FOCAD: variants seen among roughly 807,000 people sequenced by gnomAD.
The protein encoded by FOCAD is focadhesin.
Under a neutral mutation model 225.6 loss-of-function variants are expected in FOCAD, and 198 were observed. The observed-to-expected ratio is 0.88, with a 90% CI of 0.78 to 0.99. The LOEUF (loss-of-function observed/expected upper bound fraction) is 0.99. Among genes scored for constraint, FOCAD ranks in the 50% least tolerant of loss-of-function variants. The probability of loss-of-function intolerance (pLI) is 0.00; values close to 1 mark genes in which losing one functional copy is unlikely to be tolerated. For missense variants in FOCAD, 2,713 were observed against 2,123.6 expected (o/e 1.28, Z -5.46); for synonymous variants, 897 against 755.0 (o/e 1.19, Z -3.08).
chr9:20,803,985 G>T (rs921076541), intron 11 of FOCAD, among the ~76,000 whole-genome samples: 1 of 152,144 alleles, frequency 6.6e-6, no homozygotes, highest in African/African-American at 2.4e-5. Flanking sequence ...AATCTCCTCA[G>T]TGTGGGAGTA....
At chr9:20,813,622 T>A (rs1033007463) in intron 11 of FOCAD, among the ~76,000 whole-genome samples, 17 of 152,304 alleles carry the variant, frequency 1.1e-4, no homozygotes, top group African/African-American at 3.4e-4. Context: ...AGTCTTAAAT[T>A]TGTTAAGACT....
chr9:20,969,005 C>T (rs1468589713), intron 35 of FOCAD, among the ~76,000 whole-genome samples: 1 of 151,912 alleles, frequency 6.6e-6, no homozygotes. Flanking sequence ...TTTATAATTT[C>T]CCTGTGATTT....
chr9:20,852,310 G>C (rs915421154), intron 15 of FOCAD, among the ~76,000 whole-genome samples: 3 of 151,724 alleles, frequency 2.0e-5, no homozygotes, highest in African/African-American at 7.3e-5. Flanking sequence ...GAAGGAACTT[G>C]TTTGTTTCTA....
intron 11 of FOCAD, among the ~76,000 whole-genome samples, chr9:20,817,140 G>GT (rs762588782): frequency 6.3e-4 from 96 of 152,272 alleles, no homozygotes; most frequent in Non-Finnish European, 7.2e-4. Context: ...GTGCTATCAA[G>GT]TAAGTGCTTT....
At chr9:20,885,912 C>T (rs995916318) in intron 21 of FOCAD, among the ~76,000 whole-genome samples, 1 of 152,056 alleles carries the variant, frequency 6.6e-6, no homozygotes, top group Non-Finnish European at 1.5e-5. Flanking sequence ...ATAGTTCAGA[C>T]ATAGTAGGTT....
Position 20,710,229 on chromosome 9 carries a change from A to ATTTT in FOCAD, c.-32-5073_-32-5070dup, listed in dbSNP as rs749860355. ...CTGTACTTGGATCCCAGTAGCTGAG[A>ATTTT]TTTTTTTTTTTTTTTTTTTTTTTGC... On this transcript the variant is annotated intron_variant, in intron 1 of 43. Coordinates refer to ENST00000338382, the MANE Select transcript of FOCAD (RefSeq NM_001375567.1). 1.7e-3 allele frequency among the ~76,000 whole-genome samples: 175 copies of ATTTT among 102,172 alleles called. 3 individuals are homozygous for ATTTT. The highest frequency in any genetic ancestry group is 6.3e-3 in the Middle Eastern group (1 of 158). The allele number at this position is 102,172 out of a possible 152,430, so 67.0% of individuals were successfully genotyped here. A position where few individuals can be genotyped will look rare whatever the true frequency, so the allele number is the denominator to read the frequency against.
At position 20,812,112 on chromosome 9, in the gene FOCAD, A is replaced by G. The variant is rs569187108; in HGVS notation, c.1456-7684A>G. Among the ~76,000 whole-genome samples the G allele has an allele frequency of 7.2e-5, 11 of 152,198 alleles. No homozygotes were observed. In the South Asian group the frequency reaches 2.3e-3, roughly 32 times the overall value. On this transcript the variant is annotated intron_variant, in intron 11 of 43. Coordinates refer to ENST00000338382, the MANE Select transcript of FOCAD (RefSeq NM_001375567.1). ...GCTATGAGTAAAATGTGAACTAAGAATACACTTTTGTAATTCAGGTCTAGT... is the reference window on the plus strand; with the variant it reads ...GCTATGAGTAAAATGTGAACTAAGAGTACACTTTTGTAATTCAGGTCTAGT...
chr9:20,667,350 A>G (rs982069450), intron 2 of FOCAD, among the ~76,000 whole-genome samples: 2 of 152,258 alleles, frequency 1.3e-5, no homozygotes, highest in African/African-American at 4.8e-5. Context: ...GGACTTATAA[A>G]TCTTGTTGGC....
intron 2 of FOCAD, among the ~76,000 whole-genome samples, chr9:20,664,805 G>C (rs1325045876): frequency 6.6e-6 from 1 of 151,540 alleles, no homozygotes; most frequent in African/African-American, 2.4e-5. Context: ...TAATGGTGAT[G>C]GTTTCAAGAG....
chr9:20,913,395 G>T (rs1413676428), intron 23 of FOCAD, among the ~76,000 whole-genome samples: 18 of 151,962 alleles, frequency 1.2e-4, no homozygotes, highest in Admixed American at 1.2e-3. Flanking sequence ...CGTGTCATGG[G>T]TTTAATTTCT....
intron 6 of FOCAD, among the ~76,000 whole-genome samples, chr9:20,763,493 C>T (rs1300043596): frequency 6.6e-6 from 1 of 152,108 alleles, no homozygotes; most frequent in Non-Finnish European, 1.5e-5. Flanking sequence ...GCAATAAAGG[C>T]ATTGTATCTT....
At chr9:20,778,293 G>A (rs1818995262) in intron 8 of FOCAD, among the ~76,000 whole-genome samples, 1 of 151,916 alleles carries the variant, frequency 6.6e-6, no homozygotes, top group South Asian at 2.1e-4. Context: ...CACCCAGGCT[G>A]GAGTGCAGTG....
chr9:20,902,587 G>A (rs1367723807), intron 21 of FOCAD, among the ~76,000 whole-genome samples: 1 of 151,896 alleles, frequency 6.6e-6, no homozygotes, highest in East Asian at 1.9e-4. Flanking sequence ...TTAACAGTAA[G>A]GGTAGCACCA....
intron 11 of FOCAD, among the ~76,000 whole-genome samples, chr9:20,819,032 A>G (rs961164567): frequency 2.6e-5 from 4 of 152,228 alleles, no homozygotes; most frequent in East Asian, 1.9e-4. Context: ...TGTGTCATGC[A>G]TAGAGATTGA....
chr9:20,677,239 C>G (rs143815602), intron 2 of FOCAD, among the ~76,000 whole-genome samples: 20 of 152,288 alleles, frequency 1.3e-4, no homozygotes, highest in East Asian at 5.8e-4. Flanking sequence ...ATTAAATATT[C>G]AAACATAAGA....
intron 28 of FOCAD, among the ~76,000 whole-genome samples, chr9:20,936,054 G>C (rs1587660165): frequency 6.6e-6 from 1 of 152,186 alleles, no homozygotes; most frequent in African/African-American, 2.4e-5. Context: ...TGAATATATG[G>C]TATGGTTTTG....
At chr9:20,925,727 G>GT (rs1486884996) in intron 25 of FOCAD, among the ~76,000 whole-genome samples, 30 of 152,032 alleles carry the variant, frequency 2.0e-4, no homozygotes, top group Admixed American at 1.8e-3. Flanking sequence ...TTTTTTTGTT[G>GT]TTTTGTTTTT....
At chr9:20,879,248 A>G (rs1039954407) in intron 19 of FOCAD, among the ~76,000 whole-genome samples, 1 of 152,190 alleles carries the variant, frequency 6.6e-6, no homozygotes, top group African/African-American at 2.4e-5. Context: ...TGCCTAACAG[A>G]TGCAACTATC....
At chr9:20,972,236 C>A (rs1463389501) in intron 35 of FOCAD, among the ~76,000 whole-genome samples, 2 of 152,092 alleles carry the variant, frequency 1.3e-5, no homozygotes, top group Non-Finnish European at 2.9e-5. Flanking sequence ...TTTTATAATC[C>A]TACCAAGTGT....
Sources: gnomAD v4.1 joint callset for allele counts (sites outside exome capture counted in the v4.1 genomes callset) on GRCh38, gnomAD v4.1.1 for gene constraint, MANE v1.5 for transcripts, NCBI Gene and HGNC (gene_info 2026-07-23, HGNC 2026-07-21) for gene names.